Variants in ZBTB20 observed in about 807,000 individuals in gnomAD.
The protein encoded by ZBTB20 is zinc finger and BTB domain containing 20.
ZBTB20 carries 9 observed loss-of-function variants against 56.9 expected under a neutral mutation model. The ratio of observed to expected loss-of-function variants is 0.16; its 90% confidence interval spans 0.10 to 0.28. The LOEUF (loss-of-function observed/expected upper bound fraction) is 0.28. Ranked by LOEUF, ZBTB20 falls within the 10% of genes least tolerant of loss-of-function variation. ZBTB20 has a pLI of 1.00. For synonymous variants in ZBTB20, 417 were observed against 420.7 expected (o/e 0.99, Z 0.11); for missense variants, 655 against 1,003.0 (o/e 0.65, Z 4.69).
At position 114,925,685 on chromosome 3, in the gene ZBTB20, C is replaced by T. The variant is rs2076130814; in HGVS notation, c.-455-25343G>A. Among the ~76,000 whole-genome samples, 3 of 152,120 alleles carry T rather than the reference C, an allele frequency of 2.0e-5. No homozygotes were observed. The South Asian group carries it at 6.2e-4, about 32-fold the overall frequency. On this transcript the variant is annotated intron_variant, in intron 3 of 11. Coordinates refer to ENST00000675478, the MANE Select transcript of ZBTB20 (RefSeq NM_001348800.3). ...GGGACTACAGGCGCCCGCCACCACA[C>T]CTGGCTAAATTTTTGTATTTTTAGT...
chr3:114,408,855 C>T (rs1045456536), intron 7 of ZBTB20, among the ~76,000 whole-genome samples: 1 of 152,124 alleles, frequency 6.6e-6, no homozygotes, highest in Admixed American at 6.6e-5. Flanking sequence ...GGAGAAGGAG[C>T]TCCTCTCTAG....
chr3:115,120,530 G>A (rs1189318401), intron 1 of ZBTB20, among the ~76,000 whole-genome samples: 1 of 151,966 alleles, frequency 6.6e-6, no homozygotes, highest in Non-Finnish European at 1.5e-5. Context: ...AGACTTGAGG[G>A]GATTGAAACC....
intron 2 of ZBTB20, among the ~76,000 whole-genome samples, chr3:114,984,441 C>T (rs2078452318): frequency 6.6e-6 from 1 of 151,932 alleles, no homozygotes; most frequent in South Asian, 2.1e-4. Flanking sequence ...AATGTCCCTG[C>T]TCCGTCACCA....
At chr3:114,888,524 C>A (rs965850971) in intron 4 of ZBTB20, among the ~76,000 whole-genome samples, 13 of 152,100 alleles carry the variant, frequency 8.5e-5, no homozygotes, top group Admixed American at 5.9e-4. Flanking sequence ...TAAATCAGTT[C>A]TCAAATAAAA....
intron 6 of ZBTB20, among the ~76,000 whole-genome samples, chr3:114,617,440 C>G (rs2058017193): frequency 6.6e-6 from 1 of 152,190 alleles, no homozygotes; most frequent in Non-Finnish European, 1.5e-5. Context: ...TCTGATCCCC[C>G]ACTCCAAGAT....
At position 114,332,251 on chromosome 3, in the gene ZBTB20, C is replaced by T. The variant is rs2079287676; in HGVS notation, c.*6754G>A. On this transcript the variant is annotated 3_prime_UTR_variant, in exon 12 of 12. Transcript: ENST00000675478. ...ATGATCTGTAGATTATGCTCTTGCA[C>T]CGGAGACTTGAAAGTTATGAGTTTG... 6.6e-6 allele frequency: 1 copy of T among 151,974 alleles called. No homozygotes were observed. The highest frequency in any genetic ancestry group is 1.5e-5 in the Non-Finnish European group (1 of 67,996). 9.4% of individuals were successfully genotyped at this position (151,974 alleles called of 1,614,324 possible). A position where few individuals can be genotyped will look rare whatever the true frequency, so the allele number is the denominator to read the frequency against.
intron 4 of ZBTB20, among the ~76,000 whole-genome samples, chr3:114,896,910 C>T (rs1380141027): frequency 6.6e-6 from 1 of 151,944 alleles, no homozygotes; most frequent in Non-Finnish European, 1.5e-5. Flanking sequence ...TTGTATAGAA[C>T]CTCTGAGTAC....
intron 5 of ZBTB20, among the ~76,000 whole-genome samples, chr3:114,752,249 C>T (rs1560207952): frequency 2.6e-5 from 1 of 38,710 alleles, no homozygotes; most frequent in African/African-American, 4.6e-5. Context: ...ATCTGACTCT[C>T]GTATCTATCT....
chr3:114,787,368 T>TACACATACACAC (rs1553821530), intron 5 of ZBTB20, among the ~76,000 whole-genome samples: 2 of 106,332 alleles, frequency 1.9e-5, no homozygotes, highest in African/African-American at 9.1e-5. Context: ...TATATATATA[T>TACACATACACAC]ACACACACAC....
intron 5 of ZBTB20, among the ~76,000 whole-genome samples, chr3:114,738,261 C>T (rs1029257273): frequency 1.3e-5 from 2 of 150,790 alleles, no homozygotes; most frequent in Admixed American, 1.3e-4. Context: ...ATATCATTGC[C>T]CAATTTTTAT....
intron 2 of ZBTB20, among the ~76,000 whole-genome samples, chr3:115,038,146 A>C (rs550602647): frequency 9.8e-5 from 15 of 152,332 alleles, no homozygotes; most frequent in Middle Eastern, 3.4e-3. Flanking sequence ...AAGCCTATTC[A>C]TGATGATAAA....
At chr3:114,703,281 T>C (rs1284436723) in intron 5 of ZBTB20, among the ~76,000 whole-genome samples, 2 of 152,142 alleles carry the variant, frequency 1.3e-5, no homozygotes, top group African/African-American at 2.4e-5. Flanking sequence ...CCCTCTTCTC[T>C]CATCCCTGTA....
Position 114,560,229 on chromosome 3 carries a change from T to A in ZBTB20, c.-294-59838A>T, listed in dbSNP as rs1047337230. 3.3e-5 allele frequency among the ~76,000 whole-genome samples: 5 copies of A among 152,142 alleles called. No individual in the cohort carries two copies. The East Asian group carries it at 9.6e-4, about 29-fold the overall frequency. ...TGTATTGCTACAGTAAGTAAGAATA[T>A]TAAGTTTACCAAGTTTTTCTAGACT... On this transcript the variant is annotated intron_variant, in intron 6 of 11. Transcript: ENST00000675478.
At chr3:114,378,697 C>T (rs2083954145) in intron 10 of ZBTB20, among the ~76,000 whole-genome samples, 1 of 152,232 alleles carries the variant, frequency 6.6e-6, no homozygotes, top group Non-Finnish European at 1.5e-5. Context: ...CCAGGCCCTT[C>T]ACCACAGGAA....
Position 114,380,783 on chromosome 3 carries a change from A to T in ZBTB20, c.5T>A (p.Leu2Gln). Residue 2 changes from leucine (L) to glutamine (Q), a missense_variant, in exon 9 of 12, where the codon CTA (leucine) becomes CAA (glutamine). Leu to Gln is a moderately radical substitution (Grantham distance 113). Coordinates refer to ENST00000675478, the MANE Select transcript of ZBTB20 (RefSeq NM_001348800.3). M[L>Q]ERKKPKTAEN... ...ATACTAGTGGAAGTTTTACCGTTCT[A>T]GCATTTGTCAGGAAGCTTAGAGACA... 6.6e-7 allele frequency: 1 copy of T among 1,512,024 alleles called. No homozygotes were observed. Among genetic ancestry groups the T allele is most frequent in the East Asian group, 2.5e-5 (1 of 40,032 alleles). The allele number at this position is 1,512,024 out of a possible 1,614,324, so 93.7% of individuals were successfully genotyped here.
chr3:114,562,676 T>A (rs1641095272), intron 6 of ZBTB20, among the ~76,000 whole-genome samples: 1 of 152,182 alleles, frequency 6.6e-6, no homozygotes, highest in South Asian at 2.1e-4. Context: ...AGCTTTTTAT[T>A]TAAAGTGAGA....
At chr3:114,538,242 T>G (rs1303780906) in intron 6 of ZBTB20, among the ~76,000 whole-genome samples, 1 of 152,166 alleles carries the variant, frequency 6.6e-6, no homozygotes, top group Non-Finnish European at 1.5e-5. Context: ...TTTTAAGTGT[T>G]ACATTTTTCA....
intron 5 of ZBTB20, among the ~76,000 whole-genome samples, chr3:114,783,099 G>C (rs961597436): frequency 3.9e-5 from 6 of 152,136 alleles, no homozygotes; most frequent in African/African-American, 1.4e-4. Context: ...AACCACGGTG[G>C]TCAAGACAGA....
chr3:114,372,004 A>G (rs1398282045), intron 10 of ZBTB20, among the ~76,000 whole-genome samples: 1 of 152,212 alleles, frequency 6.6e-6, no homozygotes, highest in Non-Finnish European at 1.5e-5. Context: ...ACTGGTGGAA[A>G]GATCCGACTT....
Sources: allele counts gnomAD v4.1 joint callset (sites outside exome capture counted in the v4.1 genomes callset), GRCh38; gene constraint gnomAD v4.1.1; transcripts MANE v1.5; gene names NCBI Gene and HGNC (gene_info 2026-07-23, HGNC 2026-07-21).